The following ANKHD1 variants were observed in gnomAD, a reference collection of about 807,000 sequenced individuals.
ANKHD1 encodes ankyrin repeat and KH domain-containing protein 1.
ANKHD1 carries 31 observed loss-of-function variants against 230.5 expected under a neutral mutation model. The observed-to-expected ratio is 0.13, with a 90% confidence interval of 0.10 to 0.18. The LOEUF (loss-of-function observed/expected upper bound fraction) is 0.18. Among genes scored for constraint, ANKHD1 ranks in the 10% least tolerant of loss-of-function variants. The pLI, the probability that ANKHD1 is intolerant of heterozygous loss-of-function variation, is 1.00. For synonymous variants in ANKHD1, 1,074 were observed against 1,117.6 expected (o/e 0.96, Z 0.78); for missense variants, 2,256 against 3,071.3 (o/e 0.73, Z 6.27).
At position 140,526,322 on chromosome 5, in the gene ANKHD1, A is replaced by G. The variant is rs772916285; in HGVS notation, c.4819A>G (p.Ser1607Gly). 1.9e-6 allele frequency: 3 copies of G among 1,614,228 alleles called. No homozygotes were observed. Among genetic ancestry groups the G allele is most frequent in the Non-Finnish European group, 2.5e-6 (3 of 1,180,038 alleles). Residue 1607 changes from serine (S) to glycine (G), a missense_variant, in exon 26 of 34, where the codon AGT (serine) becomes GGT (glycine). Ser to Gly is a moderately conservative substitution (Grantham distance 56). This residue lies in a region of ANKHD1 where 212 missense variants were observed against 257.3 expected (regional missense o/e 0.82). Transcript: ENST00000360839. ...CACAGACTGCAACAGTGAGAGTAGC[A>G]GTGGTGGTAAAAGCCAAGAGTTAAA... ...DSTDCNSESS[S>G]GGKSQELNFV...
intron 9 of ANKHD1, among the ~76,000 whole-genome samples, chr5:140,459,975 A>T (rs1775586233): frequency 6.6e-6 from 1 of 152,138 alleles, no homozygotes; most frequent in Non-Finnish European, 1.5e-5. Context: ...AGTGACCATA[A>T]GGTATCTCGT....
intron 3 of ANKHD1, 90 bp from the exon 4 acceptor site, chr5:140,440,029 C>G: frequency 1.5e-5 from 20 of 1,342,614 alleles, no homozygotes; most frequent in Non-Finnish European, 1.9e-5. Flanking sequence ...TAACATTTTT[C>G]TTTGTGTGAC....
chr5:140,484,315 A>G (rs1751414191), intron 11 of ANKHD1, among the ~76,000 whole-genome samples: 1 of 152,224 alleles, frequency 6.6e-6, no homozygotes, highest in African/African-American at 2.4e-5. Context: ...TAGCTGAACT[A>G]AAGTTATTTT....
Position 140,485,397 on chromosome 5 carries a change from A to AACAC in ANKHD1, c.1999-165_1999-162dup, listed in dbSNP as rs55859898. ...CATAAGGAGACCCCATCTCTATTAAAACACACACACACACACACACACACA... is the reference window on the plus strand; with the variant it reads ...CATAAGGAGACCCCATCTCTATTAAAACACACACACACACACACACACACACACA... On this transcript the variant is annotated intron_variant, in intron 12 of 33. Coordinates refer to ENST00000360839, the MANE Select transcript of ANKHD1 (RefSeq NM_017747.3). The surrounding 1 kb of genome is among the most constrained non-coding windows in gnomAD (Gnocchi z 4.8). 0.014 allele frequency: 9,513 copies of AACAC among 665,152 alleles called. 62 individuals carry two copies. Among genetic ancestry groups the AACAC allele is most frequent in the Middle Eastern group, 0.032 (68 of 2,152 alleles). 41.2% of individuals were successfully genotyped at this position (665,152 alleles called of 1,614,324 possible). A position where few individuals can be genotyped will look rare whatever the true frequency, so the allele number is the denominator to read the frequency against.
At position 140,485,082 on chromosome 5, in the gene ANKHD1, T is replaced by G; in HGVS notation, c.1871-39T>G. On this transcript the variant is annotated intron_variant, in intron 11 of 33. Coordinates refer to ENST00000360839, the MANE Select transcript of ANKHD1 (RefSeq NM_017747.3). This position sits in a 1 kb window ranked among gnomAD's most constrained non-coding sequence, Gnocchi z 4.8. ...ATATTGACTATGAACTAGCTTGATG[T>G]CAACCTTTGCTAAGATTGCGATTTA... 6.3e-7 allele frequency: 1 copy of G among 1,581,898 alleles called. No homozygotes were observed. The highest frequency in any genetic ancestry group is 8.7e-7 in the Non-Finnish European group (1 of 1,155,938).
intron 10 of ANKHD1, among the ~76,000 whole-genome samples, chr5:140,480,318 T>C (rs1454715368): frequency 6.6e-6 from 1 of 152,130 alleles, no homozygotes; most frequent in Non-Finnish European, 1.5e-5. Flanking sequence ...TGTGAGGATA[T>C]TGGGACTGTA....
At chr5:140,465,633 T>A (rs1475405613) in intron 10 of ANKHD1, among the ~76,000 whole-genome samples, 1 of 152,202 alleles carries the variant, frequency 6.6e-6, no homozygotes, top group African/African-American at 2.4e-5. Flanking sequence ...AAGTATTACC[T>A]TTTAAATCAT....
intron 1 of ANKHD1, among the ~76,000 whole-genome samples, chr5:140,423,449 G>C (rs1346660561): frequency 6.6e-6 from 1 of 152,118 alleles, no homozygotes; most frequent in Non-Finnish European, 1.5e-5. Context: ...GTTTAAAGGG[G>C]CAGTAATTTA....
Position 140,506,915 on chromosome 5 carries a change from G to C in ANKHD1, c.3489G>C (p.Ala1163=). ...ATTATACACCACTGAGTCTAGCTGC[G>C]TCTGGAGGATATGTTAATATCATTA... ...VSDYTPLSLA[A]SGGYVNIIKI... is the part of the protein sequence containing the mutation. Residue 1163 remains alanine, a synonymous_variant, in exon 19 of 34, where the codon GCG becomes GCC. Coordinates refer to ENST00000360839, the MANE Select transcript of ANKHD1 (RefSeq NM_017747.3). This position sits in a 1 kb window ranked among gnomAD's most constrained non-coding sequence, Gnocchi z 4.7. The C allele has an allele frequency of 6.2e-7, 1 of 1,614,128 alleles. No homozygotes were observed. The highest frequency in any genetic ancestry group is 8.5e-7 in the Non-Finnish European group (1 of 1,180,012).
rs1752509762 is a variant in ANKHD1, at chr5:140,505,759, C to T, written c.3298C>T (p.His1100Tyr). 2 of 1,612,176 alleles carry T rather than the reference C, an allele frequency of 1.2e-6. No individual in the cohort carries two copies. The highest frequency in any genetic ancestry group is 2.2e-5 in the South Asian group (2 of 90,648). Residue 1100 changes from histidine (H) to tyrosine (Y), a missense_variant, in exon 18 of 34, where the codon CAT (histidine) becomes TAT (tyrosine). Transcript: ENST00000360839. The part of the protein sequence containing the change: ...TPLILAATAG[H>Y]VGVVEILLDK... ...ACTAATCCTGGCAGCAACAGCAGGG[C>T]ATGTTGGAGTTGTTGAAATCCTTTT...
At chr5:140,516,989 A>T (rs2127069923) in intron 24 of ANKHD1, among the ~76,000 whole-genome samples, 1 of 152,016 alleles carries the variant, frequency 6.6e-6, no homozygotes. Flanking sequence ...AAAGACACAG[A>T]CTGGCAAATT....
Position 140,484,148 on chromosome 5 carries a change from T to A in ANKHD1, c.1871-973T>A, listed in dbSNP as rs973096696. Among the ~76,000 whole-genome samples, 4 of 152,236 alleles carry A rather than the reference T, an allele frequency of 2.6e-5. 1 individual carries two copies. Among genetic ancestry groups the A allele is most frequent in the Non-Finnish European group, 5.9e-5 (4 of 68,038 alleles). On this transcript the variant is annotated intron_variant, in intron 11 of 33. Coordinates refer to ENST00000360839, the MANE Select transcript of ANKHD1 (RefSeq NM_017747.3). ...ACTTTTATGCAAGTTAGGATTAGAT[T>A]CAGCTGGATATTTTCTGAAAATTAG...
At chr5:140,530,452 A>G (rs533077228) in intron 29 of ANKHD1, among the ~76,000 whole-genome samples, 11 of 152,318 alleles carry the variant, frequency 7.2e-5, no homozygotes, top group Admixed American at 6.5e-4. Flanking sequence ...TGCTCAGGCA[A>G]TATCCGCCTG....
Position 140,507,912 on chromosome 5 carries a change from G to C in ANKHD1, c.3679G>C (p.Ala1227Pro). Residue 1227 changes from alanine (A) to proline (P), a missense_variant, in exon 20 of 34, where the codon GCT (alanine) becomes CCT (proline). By Grantham distance (27) the Ala-to-Pro change is conservative. Transcript: ENST00000360839. This position sits in a 1 kb window ranked among gnomAD's most constrained non-coding sequence, Gnocchi z 4.1. ...CCAAATAGAGACCAATCGGAACACG[G>C]CTCTCACCCTGGCCTGTTTCCAGGG... The part of the protein sequence containing the change: ...NAQIETNRNT[A>P]LTLACFQGRA... The C allele has an allele frequency of 6.2e-7, 1 of 1,613,976 alleles. No homozygotes were observed. The highest frequency in any genetic ancestry group is 1.7e-4 in the Middle Eastern group (1 of 6,058).
chr5:140,506,460 C>T lies in ANKHD1; in HGVS notation c.3409-375C>T, dbSNP rs1752539143. 6.6e-6 allele frequency among the ~76,000 whole-genome samples: 1 copy of T among 152,192 alleles called. No individual in the cohort carries two copies. Among genetic ancestry groups the T allele is most frequent in the Admixed American group, 6.5e-5 (1 of 15,276 alleles). On this transcript the variant is annotated intron_variant, in intron 18 of 33. Coordinates refer to ENST00000360839, the MANE Select transcript of ANKHD1 (RefSeq NM_017747.3). This position sits in a 1 kb window ranked among gnomAD's most constrained non-coding sequence, Gnocchi z 4.7. ...ATAGGCATGAGCCACCATGCCTGGC[C>T]ATAAATCCCCTTTTAAAAAATCTGT...
Position 140,527,167 on chromosome 5 carries a change from GTGGTTATTATT to G in ANKHD1, c.5087+95_5087+105del. 7.0e-7 allele frequency: 1 copy of G among 1,430,032 alleles called. No homozygotes were observed. 88.6% of individuals were successfully genotyped at this position (1,430,032 alleles called of 1,614,324 possible). A position where few individuals can be genotyped will look rare whatever the true frequency, so the allele number is the denominator to read the frequency against. On this transcript the variant is annotated intron_variant, in intron 27 of 33. Coordinates refer to ENST00000360839, the MANE Select transcript of ANKHD1 (RefSeq NM_017747.3). The surrounding 1 kb of genome is among the most constrained non-coding windows in gnomAD (Gnocchi z 4.5). ...TAGTTAATTAATGAATAATTTGAAT[GTGGTTATTATT>G]TTAAACTGCATTGCCACACTAAATC... is the stretch of plus-strand genomic sequence containing the variant.
chr5:140,435,441 G>T (rs7732979), intron 1 of ANKHD1, among the ~76,000 whole-genome samples: 1 of 150,684 alleles, frequency 6.6e-6, no homozygotes, highest in East Asian at 1.9e-4. Context: ...ACAATGGCAC[G>T]ATCTCGGCTC....
chr5:140,446,225 A>G (rs1430353414), intron 6 of ANKHD1, among the ~76,000 whole-genome samples: 1 of 152,180 alleles, frequency 6.6e-6, no homozygotes, highest in East Asian at 1.9e-4. Flanking sequence ...TACTTAGCTT[A>G]GATTTAGAGG....
intron 14 of ANKHD1, among the ~76,000 whole-genome samples, chr5:140,491,158 ATATTTTTTTTT>A (rs1228627944): frequency 2.4e-5 from 2 of 83,414 alleles, no homozygotes; most frequent in African/African-American, 1.1e-4. Flanking sequence ...ATATATATAT[ATATTTTTTTTT>A]TTTTTTTTTT....
Sources: gnomAD v4.1 joint callset for allele counts (sites outside exome capture counted in the v4.1 genomes callset) on GRCh38, gnomAD v4.1.1 for gene constraint, gnomAD v4.1.1 regional missense constraint, Gnocchi (gnomAD v3.1) non-coding constraint, MANE v1.5 for transcripts, NCBI Gene and HGNC (gene_info 2026-07-23, HGNC 2026-07-21) for gene names.